RSPO2: variants seen among roughly 807,000 people sequenced by gnomAD.
The protein encoded by RSPO2 is R-spondin-2.
RSPO2 carries 14 observed loss-of-function variants against 30.9 expected under a neutral mutation model. The ratio of observed to expected loss-of-function variants is 0.45; its 90% CI spans 0.30 to 0.71. The LOEUF (loss-of-function observed/expected upper bound fraction) is 0.71. Among genes scored for constraint, RSPO2 ranks in the 30% least tolerant of loss-of-function variants. The probability of loss-of-function intolerance (pLI) is 0.08; values close to 1 mark genes in which losing one functional copy is unlikely to be tolerated. For synonymous variants in RSPO2, 107 were observed against 96.4 expected (o/e 1.11, Z -0.64); for missense variants, 264 against 301.9 (o/e 0.87, Z 0.93).
rs190253028 is a variant in RSPO2, at chr8:107,991,544, T to C, written c.95-2300A>G. On this transcript the variant is annotated intron_variant, in intron 2 of 5. Transcript: ENST00000276659. ...AAGCAATTGCAACAAAAGCAAAAAT[T>C]GATAAGTGGGATCTAATTAAAGAGC... Among the ~76,000 whole-genome samples, 246 of 152,142 alleles carry C rather than the reference T, an allele frequency of 1.6e-3. 1 individual carries two copies. The Middle Eastern group carries it at 0.017, about 11-fold the overall frequency.
At chr8:107,902,147 G>T (rs1811496784) in intron 5 of RSPO2, among the ~76,000 whole-genome samples, 1 of 152,068 alleles carries the variant, frequency 6.6e-6, no homozygotes. Context: ...GAAATCAGAG[G>T]ATTTTTAGAA....
At chr8:108,059,534 T>G (rs1238376992) in intron 2 of RSPO2, among the ~76,000 whole-genome samples, 4 of 151,258 alleles carry the variant, frequency 2.6e-5, no homozygotes, top group Non-Finnish European at 5.9e-5. Context: ...ATCACGCTGC[T>G]ATAAAGACAC....
intron 2 of RSPO2, among the ~76,000 whole-genome samples, chr8:108,040,587 T>TG (rs1811725483): frequency 2.6e-5 from 4 of 152,132 alleles, no homozygotes; most frequent in Admixed American, 2.6e-4. Context: ...AAATGAGAAC[T>TG]ATCTTCCAGG....
At chr8:108,039,387 C>T (rs766938536) in intron 2 of RSPO2, among the ~76,000 whole-genome samples, 4 of 151,980 alleles carry the variant, frequency 2.6e-5, no homozygotes, top group Non-Finnish European at 4.4e-5. Context: ...GTATTCATAA[C>T]CATCTTATGA....
At chr8:107,904,026 T>G (rs1811558338) in intron 5 of RSPO2, among the ~76,000 whole-genome samples, 1 of 127,058 alleles carries the variant, frequency 7.9e-6, no homozygotes, top group South Asian at 2.4e-4. Flanking sequence ...GTTCTAAGAT[T>G]TTCAAACATG....
intron 2 of RSPO2, among the ~76,000 whole-genome samples, chr8:108,032,533 T>C (rs181756376): frequency 1.2e-3 from 177 of 152,344 alleles, no homozygotes; most frequent in African/African-American, 3.9e-3. Flanking sequence ...CCCTTGTCTA[T>C]TACTTCAAAA....
At chr8:107,917,342 G>A (rs773159517) in intron 5 of RSPO2, among the ~76,000 whole-genome samples, 18 of 151,922 alleles carry the variant, frequency 1.2e-4, no homozygotes, top group Non-Finnish European at 2.2e-4. Context: ...AAAATTAGCC[G>A]AGCATGGTGG....
intron 5 of RSPO2, among the ~76,000 whole-genome samples, chr8:107,946,059 A>T (rs1055103111): frequency 6.6e-6 from 1 of 152,216 alleles, no homozygotes; most frequent in Non-Finnish European, 1.5e-5. Flanking sequence ...TTGAGTAGAG[A>T]CAATAAAAAT....
intron 3 of RSPO2, among the ~76,000 whole-genome samples, chr8:107,964,811 C>A (rs1237793933): frequency 6.6e-6 from 1 of 152,168 alleles, no homozygotes; most frequent in Non-Finnish European, 1.5e-5. Context: ...GGATTCATAT[C>A]AACTCTATTA....
chr8:108,014,318 T>C (rs1304456313), intron 2 of RSPO2, among the ~76,000 whole-genome samples: 3 of 152,114 alleles, frequency 2.0e-5, no homozygotes, highest in Non-Finnish European at 4.4e-5. Flanking sequence ...AGAAATACCA[T>C]TTGACCCAGC....
At chr8:107,924,840 ACAC>A (rs1812304424) in intron 5 of RSPO2, among the ~76,000 whole-genome samples, 1 of 151,834 alleles carries the variant, frequency 6.6e-6, no homozygotes. Context: ...ACACACACAC[ACAC>A]ACACACAAAA....
chr8:107,950,516 A>AT (rs1284901213), intron 5 of RSPO2, among the ~76,000 whole-genome samples: 2 of 148,470 alleles, frequency 1.3e-5, no homozygotes, highest in Non-Finnish European at 3.0e-5. Flanking sequence ...ATGTTATCTT[A>AT]TGTCTTTGTA....
intron 5 of RSPO2, among the ~76,000 whole-genome samples, chr8:107,955,659 T>C (rs1340916532): frequency 6.6e-6 from 1 of 152,090 alleles, no homozygotes; most frequent in African/African-American, 2.4e-5. Context: ...CTTAAAGCCA[T>C]TTATGTTTTC....
chr8:108,065,805 A>G (rs1388659010), intron 2 of RSPO2, among the ~76,000 whole-genome samples: 2 of 152,344 alleles, frequency 1.3e-5, no homozygotes, highest in South Asian at 4.1e-4. Context: ...TGGGAGGCCA[A>G]GGTGGGCGGA....
intron 5 of RSPO2, among the ~76,000 whole-genome samples, chr8:107,930,181 T>C (rs1020026365): frequency 2.0e-5 from 3 of 152,200 alleles, no homozygotes; most frequent in Admixed American, 1.3e-4. Context: ...AGGTATTATT[T>C]TACAAATGAG....
At chr8:108,003,305 ATATATATTTTTTTTTTTT>A (rs1364573922) in intron 2 of RSPO2, among the ~76,000 whole-genome samples, 1,810 of 25,842 alleles carry the variant, frequency 0.07, 16 homozygotes, top group South Asian at 0.12. Flanking sequence ...ATATATATAT[ATATATATTTTTTTTTTTT>A]TTTTTTTTTT....
rs956738066 is a variant in RSPO2 at position 108,083,582 on chromosome 8, G to C, written c.-555C>G. 1 of 152,348 alleles carries C rather than the reference G, an allele frequency of 6.6e-6. No homozygotes were observed. Among genetic ancestry groups the C allele is most frequent in the African/African-American group, 2.4e-5 (1 of 41,462 alleles). 9.4% of individuals were successfully genotyped at this position (152,348 alleles called of 1,614,324 possible). A position where few individuals can be genotyped will look rare whatever the true frequency, so the allele number is the denominator to read the frequency against. ...TCTCGGGAGGACGAAGTGATCCGAAGGGATGTGGCAAGCGCACTTTCCGAT... is the reference window on the plus strand; with the variant it reads ...TCTCGGGAGGACGAAGTGATCCGAACGGATGTGGCAAGCGCACTTTCCGAT... On this transcript the variant is annotated 5_prime_UTR_variant, in exon 1 of 6. Transcript: ENST00000276659.
intron 2 of RSPO2, among the ~76,000 whole-genome samples, chr8:108,006,668 G>T (rs1043348164): frequency 2.0e-5 from 3 of 151,738 alleles, no homozygotes; most frequent in Admixed American, 2.0e-4. Flanking sequence ...CAATATGTTG[G>T]GAAAAGTCAA....
intron 2 of RSPO2, among the ~76,000 whole-genome samples, chr8:108,063,951 G>T (rs1812567907): frequency 6.6e-6 from 1 of 152,122 alleles, no homozygotes; most frequent in Admixed American, 6.5e-5. Context: ...TTTAATAAAT[G>T]GTGCTGGGAA....
Sources: gnomAD v4.1 joint callset for allele counts (sites outside exome capture counted in the v4.1 genomes callset) on GRCh38, gnomAD v4.1.1 for gene constraint, MANE v1.5 for transcripts, NCBI Gene and HGNC (gene_info 2026-07-23, HGNC 2026-07-21) for gene names.